Variants in ABCA7 observed in about 807,000 individuals in gnomAD.
ABCA7 encodes ATP binding cassette subfamily A member 7, also known as phospholipid-transporting ATPase ABCA7.
A neutral mutation model predicts 227.6 loss-of-function variants in ABCA7; 261 were observed. That is an observed-to-expected ratio of 1.15 (90% CI 1.04 to 1.27). The LOEUF (loss-of-function observed/expected upper bound fraction) is 1.27, where lower values mean the gene tolerates loss of function less well. ABCA7 is among the 50% of genes most tolerant of loss of function. The probability of loss-of-function intolerance (pLI) is 0.00; values close to 1 mark genes in which losing one functional copy is unlikely to be tolerated. For missense variants in ABCA7, 3,331 were observed against 2,924.5 expected, an observed-to-expected ratio of 1.14 and a Z score of -3.21; for synonymous variants, 1,488 against 1,279.7, an observed-to-expected ratio of 1.16 and a Z score of -3.47.
At chr19:1,052,384 GGGAGGAAGCGGC>G (rs2041738972) in intron 23 of ABCA7, 98 bp downstream of exon 23, 1 of 839,926 alleles carries the variant, frequency 1.2e-6, no homozygotes, top group African/African-American at 3.0e-5. Context: ...GAGGAGGAGG[GGGAGGAAGCGGC>G]AGAGGAGGTT....
At position 1,056,628 on chromosome 19, in the gene ABCA7, C is replaced by A; in HGVS notation, c.4586+129C>A. 1 of 1,265,048 alleles carries A rather than the reference C, an allele frequency of 7.9e-7. No individual in the cohort carries two copies. Among genetic ancestry groups the A allele is most frequent in the Non-Finnish European group, 1.1e-6 (1 of 923,910 alleles). The allele number at this position is 1,265,048 out of a possible 1,614,324, so 78.4% of individuals were successfully genotyped here. On this transcript the variant is annotated intron_variant, in intron 33 of 46. Transcript: ENST00000263094. This position sits in a 1 kb window ranked among gnomAD's most constrained non-coding sequence, Gnocchi z 4.3. ...TTGCTTTATAAATGGGGGATAGAAA[C>A]TGTTCCTCTGCTCCCTAAGCCAGGG...
In ABCA7 at chr19:1,049,454, TCCC is replaced by T. The variant is rs760612433; in HGVS notation, c.2552+18_2552+20del. ...CACCACCCTGTGAGCCCCCAACCAC[TCCC>T]TCCCCGTGAGCCCCCCCACTCCCAC... On this transcript the variant is annotated intron_variant, in intron 18 of 46. Coordinates refer to ENST00000263094, the MANE Select transcript of ABCA7 (RefSeq NM_019112.4). 4 of 1,370,888 alleles carry T rather than the reference TCCC, an allele frequency of 2.9e-6. No individual in the cohort carries two copies. In the East Asian group the frequency reaches 1.1e-4, roughly 39 times the overall value. The allele number at this position is 1,370,888 out of a possible 1,614,324, so 84.9% of individuals were successfully genotyped here.
At chr19:1,060,408 A>C (rs941663795) in intron 40 of ABCA7, among the ~76,000 whole-genome samples, 1 of 150,860 alleles carries the variant, frequency 6.6e-6, no homozygotes, top group Non-Finnish European at 1.5e-5. Context: ...ACGGGGTTTC[A>C]CCATGTTGGC....
At position 1,043,350 on chromosome 19, in the gene ABCA7, G is replaced by A. The variant is rs747067104; in HGVS notation, c.807G>A (p.Glu269=). 1 of 1,613,026 alleles carries A rather than the reference G, an allele frequency of 6.2e-7. No homozygotes were observed. Among genetic ancestry groups the A allele is most frequent in the African/African-American group, 1.3e-5 (1 of 74,930 alleles). ...PDSSLSPACS[E]LIGALDSHPL... is the part of the protein sequence containing the mutation. ...CCATCCCAGGCCCCGCCTGCTCGGAGCTGATTGGAGCCCTGGACAGCCACC... is the reference window on the plus strand; with the variant it reads ...CCATCCCAGGCCCCGCCTGCTCGGAACTGATTGGAGCCCTGGACAGCCACC... The change falls in exon 9 of 47, where the codon GAG becomes GAA. Residue 269 remains glutamate (E), a synonymous_variant. Coordinates refer to ENST00000263094, the MANE Select transcript of ABCA7 (RefSeq NM_019112.4).
chr19:1,044,736 G>A lies in ABCA7; in HGVS notation c.1207G>A (p.Val403Met), dbSNP rs2040431738. 6.2e-7 allele frequency: 1 copy of A among 1,605,476 alleles called. No individual in the cohort carries two copies. The highest frequency in any genetic ancestry group is 1.3e-5 in the African/African-American group (1 of 74,838). Reference protein sequence around the residue: ...VGHLVGTLGRVTECLSLDKLE... With the variant: ...VGHLVGTLGRMTECLSLDKLE... Reference sequence around the variant, plus strand: ...GCACCTGGTGGGCACGCTGGGCCGAGTGACGGAGGTGAGGGCCTGTCCACC... The same window carrying A: ...GCACCTGGTGGGCACGCTGGGCCGAATGACGGAGGTGAGGGCCTGTCCACC... Residue 403 changes from valine to methionine, a missense_variant, in exon 11 of 47, where the codon GTG becomes ATG. Val to Met is a conservative substitution (Grantham distance 21, BLOSUM62 1). Coordinates refer to ENST00000263094, the MANE Select transcript of ABCA7 (RefSeq NM_019112.4).
At position 1,053,810 on chromosome 19, in the gene ABCA7, A is replaced by C; in HGVS notation, c.3446A>C (p.Glu1149Ala). The C allele has an allele frequency of 6.2e-7, 1 of 1,612,050 alleles. No homozygotes were observed. Among genetic ancestry groups the C allele is most frequent in the Admixed American group, 1.7e-5 (1 of 59,898 alleles). The change falls in exon 25 of 47, where the codon GAG (glutamate) becomes GCG (alanine). Residue 1149 changes from glutamate to alanine, a missense_variant. Physicochemically the swap from Glu to Ala is moderately radical, Grantham distance 107 (BLOSUM62 -1). Coordinates refer to ENST00000263094, the MANE Select transcript of ABCA7 (RefSeq NM_019112.4). ...CAGATCTTCCTGAAGGTGGTGGAGG[A>C]GTGTGCTGCGGACACAGATATGGAG... ...LEEIFLKVVE[E>A]CAADTDMEDG... is the part of the protein sequence containing the mutation.
At chr19:1,043,286 G>A in intron 8 of ABCA7, 35 bp downstream of exon 8, 1 of 1,611,584 alleles carries the variant, frequency 6.2e-7, no homozygotes, top group South Asian at 1.1e-5. Context: ...CTCTTGGGAA[G>A]TGGAACTCTG....
Position 1,051,586 on chromosome 19 carries a change from G to A in ABCA7, c.2962G>A (p.Gly988Ser). The stretch of plus-strand genomic sequence containing the variant: ...GGAGCTGCTGCTCAAATACCGAGAA[G>A]GTAAGAGCTGGGGATTCTGCTCGAG... The part of the protein sequence containing the change: ...IWELLLKYRE[G>S]RTLILSTHHL... The change falls in exon 21 of 47, where the codon GGT (glycine) becomes AGT (serine). Residue 988 changes from glycine (G) to serine (S), a missense_variant and splice_region_variant. Transcript: ENST00000263094. The A allele has an allele frequency of 1.2e-6, 2 of 1,610,646 alleles. No homozygotes were observed. The highest frequency in any genetic ancestry group is 1.7e-6 in the Non-Finnish European group (2 of 1,178,490).
intron 34 of ABCA7, 97 bp downstream of exon 34, chr19:1,057,181 TAA>T: frequency 1.3e-6 from 2 of 1,551,668 alleles, no homozygotes; most frequent in Non-Finnish European, 1.8e-6. Flanking sequence ...ATGGCCTGGG[TAA>T]AGTCTTGAGG....
chr19:1,044,551 C>A lies in ABCA7; in HGVS notation c.1048-26C>A, dbSNP rs756931589. The A allele has an allele frequency of 8.7e-6, 14 of 1,601,686 alleles. No homozygotes were observed. The African/African-American group carries it at 1.9e-4, about 21-fold the overall frequency. Reference sequence around the variant, plus strand: ...CATGAGCCACTGTGCCCGACCCAGACTCTCACTTTCACCTGCGCCCCCCAG... The same window carrying A: ...CATGAGCCACTGTGCCCGACCCAGAATCTCACTTTCACCTGCGCCCCCCAG... On this transcript the variant is annotated intron_variant, in intron 10 of 46. Coordinates refer to ENST00000263094, the MANE Select transcript of ABCA7 (RefSeq NM_019112.4).
In ABCA7 at chr19:1,044,893, G is replaced by A. The variant is rs1353603124; in HGVS notation, c.1216-109G>A. ...AGATCTCAGGAGGGAGCCGGCCGTG[G>A]GCCTACGAGGGGAAAACATGGCCCA... On this transcript the variant is annotated intron_variant, in intron 11 of 46. Coordinates refer to ENST00000263094, the MANE Select transcript of ABCA7 (RefSeq NM_019112.4). 9 of 1,494,450 alleles carry A rather than the reference G, an allele frequency of 6.0e-6. No individual in the cohort carries two copies. In the Admixed American group the frequency reaches 9.7e-5, roughly 16 times the overall value. The allele number at this position is 1,494,450 out of a possible 1,614,324, so 92.6% of individuals were successfully genotyped here. A position where few individuals can be genotyped will look rare whatever the true frequency, so the allele number is the denominator to read the frequency against.
intron 7 of ABCA7, 25 bp downstream of exon 7, chr19:1,042,851 C>T (rs3764646): frequency 0.047 from 73,555 of 1,550,338 alleles, 2,538 homozygotes; most frequent in African/African-American, 0.17. Context: ...TCATCCTCAA[C>T]CCCCATGGAG....
intron 13 of ABCA7, 139 bp from the exon 14 acceptor site, chr19:1,046,663 C>A: frequency 8.7e-7 from 1 of 1,148,894 alleles, no homozygotes; most frequent in South Asian, 1.5e-5. Context: ...CAAAGGCTGG[C>A]TGGATCAGGT....
intron 40 of ABCA7, 57 bp from the exon 41 acceptor site, chr19:1,061,725 G>T: frequency 2.5e-4 from 317 of 1,285,540 alleles, no homozygotes; most frequent in Middle Eastern, 3.8e-4. Context: ...AGAAATCAGA[G>T]ATGCCGGAAC....
chr19:1,052,947 G>A lies in ABCA7; in HGVS notation c.3221-382G>A, dbSNP rs11883253. On this transcript the variant is annotated intron_variant, in intron 23 of 46. Transcript: ENST00000263094. ...CTTGCTCTGTCGCCCAGGCTGTAGT[G>A]CAGTGGTGTGATCTCAGCTCACTGC... Among the ~76,000 whole-genome samples the A allele has an allele frequency of 3.0e-3, 457 of 152,206 alleles. 8 individuals carry two copies. The highest frequency in any genetic ancestry group is 0.01 in the African/African-American group (421 of 41,514).
At chr19:1,057,534 T>C in intron 35 of ABCA7, 105 bp downstream of exon 35, 1 of 1,186,888 alleles carries the variant, frequency 8.4e-7, no homozygotes, top group Non-Finnish European at 1.2e-6. Flanking sequence ...GGAGAGGATA[T>C]GGAGGTCTGA....
intron 19 of ABCA7, 37 bp downstream of exon 19, chr19:1,051,089 G>C (rs964546810): frequency 2.5e-6 from 4 of 1,611,306 alleles, no homozygotes; most frequent in Non-Finnish European, 3.4e-6. Context: ...GCGGTGGGAA[G>C]GGACTGGACG....
chr19:1,051,098 C>T (rs576278275), intron 19 of ABCA7, 46 bp downstream of exon 19: 47 of 1,611,174 alleles, frequency 2.9e-5, no homozygotes, highest in East Asian at 4.5e-5. Flanking sequence ...AGGGACTGGA[C>T]GCCCTCTGGG....
intron 18 of ABCA7, among the ~76,000 whole-genome samples, chr19:1,050,586 A>G (rs1599635468): frequency 1.3e-5 from 2 of 151,224 alleles, no homozygotes; most frequent in African/African-American, 4.9e-5. Flanking sequence ...CCTGGCTAAC[A>G]TGGTGAAACA....
Sources: gnomAD v4.1 joint callset for allele counts (sites outside exome capture counted in the v4.1 genomes callset) on GRCh38, gnomAD v4.1.1 for gene constraint, Gnocchi (gnomAD v3.1) non-coding constraint, MANE v1.5 for transcripts, NCBI Gene and HGNC (gene_info 2026-07-23, HGNC 2026-07-21) for gene names.